ST7L: variants seen among roughly 807,000 people sequenced by gnomAD.
ST7L encodes the protein suppressor of tumorigenicity 7 protein-like.
A neutral mutation model predicts 72.5 loss-of-function variants in ST7L; 57 were observed. That is an observed-to-expected ratio of 0.79 (90% CI 0.64 to 0.98). The LOEUF is 0.98. Ranked by LOEUF, ST7L falls within the 50% of genes least tolerant of loss-of-function variation. The pLI is 0.00. For synonymous variants in ST7L, 221 were observed against 240.9 expected, an observed-to-expected ratio of 0.92 and a Z score of 0.77; for missense variants, 576 against 672.2, an observed-to-expected ratio of 0.86 and a Z score of 1.58.
At position 112,536,220 on chromosome 1, in the gene ST7L, C is replaced by A. The variant is rs542660874; in HGVS notation, c.1629+5731G>T. Among the ~76,000 whole-genome samples, 211 of 152,172 alleles carry A rather than the reference C, an allele frequency of 1.4e-3. 1 individual carries two copies. The highest frequency in any genetic ancestry group is 1.9e-3 in the Non-Finnish European group (132 of 67,988). On this transcript the variant is annotated intron_variant, in intron 14 of 14. Coordinates refer to ENST00000358039, the MANE Select transcript of ST7L (RefSeq NM_017744.5). ...AAAGTCTCATAGCTTTGAAAGTAAT[C>A]CATTTTCAAACAAAGTGAAGAAATT...
chr1:112,525,613 T>C lies in ST7L; in HGVS notation c.*400A>G, dbSNP rs1298664015. ...TCCCACTGGCCCCCTAACGGTTAAC[T>C]ATCCTGGCTTAAAATTTTCCTTTGC... On this transcript the variant is annotated 3_prime_UTR_variant, in exon 15 of 15. Transcript: ENST00000358039. 6.4e-6 allele frequency: 1 copy of C among 156,024 alleles called. No individual in the cohort carries two copies. The highest frequency in any genetic ancestry group is 1.4e-5 in the Non-Finnish European group (1 of 70,474). The allele number at this position is 156,024 out of a possible 1,614,324, so 9.7% of individuals were successfully genotyped here.
rs1020529784 is a variant in ST7L at position 112,578,290 on chromosome 1, CA to C, written c.1142+54del. 6.6e-5 allele frequency: 96 copies of C among 1,455,354 alleles called. No individual in the cohort carries two copies. In the African/African-American group the frequency reaches 1.2e-3, roughly 18 times the overall value. The allele number at this position is 1,455,354 out of a possible 1,614,324, so 90.2% of individuals were successfully genotyped here. A position where few individuals can be genotyped will look rare whatever the true frequency, so the allele number is the denominator to read the frequency against. On this transcript the variant is annotated intron_variant, in intron 10 of 14. Transcript: ENST00000358039. ...TTGTTTAAAGTCAGTAGAGGACAAG[CA>C]TAATACTGAGTTTAGCAGTCTTTCC...
At chr1:112,570,224 AT>A (rs533749889) in intron 11 of ST7L, among the ~76,000 whole-genome samples, 1 of 151,658 alleles carries the variant, frequency 6.6e-6, no homozygotes, top group African/African-American at 2.4e-5. Flanking sequence ...ATGCTGTTCT[AT>A]TTTTTTTACT....
At chr1:112,604,872 G>T (rs905386112) in intron 3 of ST7L, among the ~76,000 whole-genome samples, 1 of 145,240 alleles carries the variant, frequency 6.9e-6, no homozygotes, top group African/African-American at 2.6e-5. Context: ...GATCACCTGA[G>T]GTCAGGTGTT....
chr1:112,581,974 T>C lies in ST7L; in HGVS notation c.1069+18A>G. On this transcript the variant is annotated intron_variant, in intron 9 of 14. Coordinates refer to ENST00000358039, the MANE Select transcript of ST7L (RefSeq NM_017744.5). ...GGAAAAGAATAACCATGCTATCAAC[T>C]AAGGGAATATGACTCACCATCATAT... The C allele has an allele frequency of 1.4e-6, 2 of 1,427,592 alleles. No homozygotes were observed. The highest frequency in any genetic ancestry group is 2.0e-6 in the Non-Finnish European group (2 of 1,011,528). The allele number at this position is 1,427,592 out of a possible 1,614,324, so 88.4% of individuals were successfully genotyped here.
chr1:112,551,450 T>G (rs530281545), intron 12 of ST7L, among the ~76,000 whole-genome samples: 1 of 152,180 alleles, frequency 6.6e-6, no homozygotes, highest in Non-Finnish European at 1.5e-5. Flanking sequence ...GCCCGGCCTA[T>G]GAGCAGATCT....
intron 14 of ST7L, among the ~76,000 whole-genome samples, chr1:112,538,764 T>C (rs527866548): frequency 6.6e-6 from 1 of 152,138 alleles, no homozygotes; most frequent in Non-Finnish European, 1.5e-5. Context: ...GGGGGTAGGG[T>C]TTCCCACTAT....
chr1:112,619,071 C>A lies in ST7L; in HGVS notation c.43G>T (p.Ala15Ser). 6.2e-7 allele frequency: 1 copy of A among 1,613,720 alleles called. No individual in the cohort carries two copies. Residue 15 changes from alanine (A) to serine (S), a missense_variant, in exon 1 of 15, where the codon GCG becomes TCG. Coordinates refer to ENST00000358039, the MANE Select transcript of ST7L (RefSeq NM_017744.5). ...GGVGEAAAVG[A>S]SPASVPGLNP... Reference sequence around the variant, plus strand: ...AGGCCAGGGACAGATGCAGGAGACGCTCCAACAGCTGCGGCTTCACCCACG... The same window carrying A: ...AGGCCAGGGACAGATGCAGGAGACGATCCAACAGCTGCGGCTTCACCCACG...
chr1:112,618,029 C>G, intron 1 of ST7L: 1 of 1,303,956 alleles, frequency 7.7e-7, no homozygotes, highest in South Asian at 1.2e-5. Context: ...CATCTCTGAA[C>G]AGGAAAGGGG....
At chr1:112,615,724 T>C (rs957493845) in intron 2 of ST7L, among the ~76,000 whole-genome samples, 7 of 152,128 alleles carry the variant, frequency 4.6e-5, no homozygotes, top group African/African-American at 1.7e-4. Flanking sequence ...AAAAACTGTA[T>C]GTCCAGGTTC....
intron 3 of ST7L, among the ~76,000 whole-genome samples, chr1:112,608,428 T>C (rs1428499779): frequency 1.3e-5 from 2 of 152,200 alleles, no homozygotes; most frequent in South Asian, 2.1e-4. Context: ...TAGTATCTTA[T>C]ATAAGACACC....
rs33915951 is a variant in ST7L, at chr1:112,566,294, C to CTTTT, written c.1246-10277_1246-10276insAAAA. On this transcript the variant is annotated intron_variant, in intron 11 of 14. Coordinates refer to ENST00000358039, the MANE Select transcript of ST7L (RefSeq NM_017744.5). ...TTTTCTTTTATTTCTTTTTCTTCTT[C>CTTTT]TTCTTTTTTTTTTTTTTTTTTGAGA... Among the ~76,000 whole-genome samples the CTTTT allele has an allele frequency of 4.9e-3, 532 of 108,900 alleles. 11 individuals carry two copies. Among genetic ancestry groups the CTTTT allele is most frequent in the East Asian group, 0.013 (45 of 3,404 alleles). 71.4% of individuals were successfully genotyped at this position (108,900 alleles called of 152,430 possible). A position where few individuals can be genotyped will look rare whatever the true frequency, so the allele number is the denominator to read the frequency against.
chr1:112,618,860 A>C, intron 1 of ST7L, 49 bp downstream of exon 1: 2 of 1,521,200 alleles, frequency 1.3e-6, no homozygotes, highest in Non-Finnish European at 1.8e-6. Flanking sequence ...CTTGCCCCCG[A>C]CATCTCTCCT....
intron 6 of ST7L, among the ~76,000 whole-genome samples, chr1:112,589,640 G>T (rs1175851253): frequency 6.6e-6 from 1 of 152,094 alleles, no homozygotes; most frequent in African/African-American, 2.4e-5. Flanking sequence ...TTAGCCTCGT[G>T]GTCAGTTGGT....
intron 3 of ST7L, among the ~76,000 whole-genome samples, chr1:112,601,306 C>T (rs1225284359): frequency 2.6e-5 from 4 of 152,040 alleles, no homozygotes; most frequent in Admixed American, 6.6e-5. Flanking sequence ...AGTACAGTGG[C>T]GCAATCTCAG....
chr1:112,549,243 A>G (rs895609400), intron 13 of ST7L, among the ~76,000 whole-genome samples: 12 of 152,150 alleles, frequency 7.9e-5, no homozygotes, highest in Non-Finnish European at 1.8e-4. Flanking sequence ...AAATACAAAA[A>G]TTAGCCGGGC....
intron 14 of ST7L, among the ~76,000 whole-genome samples, chr1:112,533,171 T>G (rs1654654659): frequency 6.7e-6 from 1 of 149,668 alleles, no homozygotes; most frequent in African/African-American, 2.5e-5. Context: ...ATTGTACATT[T>G]TAAGCACTTA....
intron 11 of ST7L, among the ~76,000 whole-genome samples, chr1:112,569,693 T>C (rs1305199804): frequency 6.6e-6 from 1 of 152,214 alleles, no homozygotes; most frequent in Non-Finnish European, 1.5e-5. Flanking sequence ...GCGCAGTGGC[T>C]TACGCCTGTA....
Position 112,525,935 on chromosome 1 carries a change from T to C in ST7L, c.*78A>G, listed in dbSNP as rs756268125. The C allele has an allele frequency of 4.4e-6, 7 of 1,587,918 alleles. No homozygotes were observed. The highest frequency in any genetic ancestry group is 1.7e-5 in the Admixed American group (1 of 57,950). On this transcript the variant is annotated 3_prime_UTR_variant, in exon 15 of 15. Coordinates refer to ENST00000358039, the MANE Select transcript of ST7L (RefSeq NM_017744.5). ...TAATCCTCACAACAACCCTGTGAGG[T>C]AGGGGTTACTGTCACTTTACAGATG...
Sources: allele counts gnomAD v4.1 joint callset (sites outside exome capture counted in the v4.1 genomes callset), GRCh38; gene constraint gnomAD v4.1.1; transcripts MANE v1.5; gene names NCBI Gene and HGNC (gene_info 2026-07-23, HGNC 2026-07-21).